CNTN5: variants seen among roughly 807,000 people sequenced by gnomAD.
CNTN5 encodes contactin 5.
In CNTN5, 77 loss-of-function variants were observed where a neutral mutation model predicts 129.1. That is an observed-to-expected ratio of 0.60 (90% CI 0.50 to 0.72). The LOEUF (loss-of-function observed/expected upper bound fraction) is 0.72. Among genes scored for constraint, CNTN5 ranks in the 30% least tolerant of loss-of-function variants. The pLI is 0.00. For missense variants in CNTN5, 1,478 were observed against 1,328.8 expected, an observed-to-expected ratio of 1.11 and a Z score of -1.75; for synonymous variants, 509 against 465.6, an observed-to-expected ratio of 1.09 and a Z score of -1.20.
intron 1 of CNTN5, among the ~76,000 whole-genome samples, chr11:99,082,744 T>C (rs1389519870): frequency 6.6e-6 from 1 of 152,214 alleles, no homozygotes; most frequent in African/African-American, 2.4e-5. Flanking sequence ...GTGAAAATTA[T>C]CTAAATTATT....
At chr11:100,026,151 C>G (rs969311560) in intron 9 of CNTN5, among the ~76,000 whole-genome samples, 1 of 152,046 alleles carries the variant, frequency 6.6e-6, no homozygotes, top group African/African-American at 2.4e-5. Flanking sequence ...GGACCATTTC[C>G]TTCATGCCGT....
chr11:99,856,652 C>T (rs10736572), intron 6 of CNTN5, among the ~76,000 whole-genome samples: 152,288 of 152,288 alleles, frequency 1, 76,144 homozygotes, highest in Non-Finnish European at 1. Flanking sequence ...TCACATAGTG[C>T]TCTTTGGGTC....
At chr11:100,077,938 T>G (rs767967090) in intron 13 of CNTN5, among the ~76,000 whole-genome samples, 5 of 152,162 alleles carry the variant, frequency 3.3e-5, no homozygotes, top group Non-Finnish European at 4.4e-5. Flanking sequence ...GGCATAAAAA[T>G]GTAATATATA....
chr11:99,628,186 T>C (rs903305186), intron 3 of CNTN5, among the ~76,000 whole-genome samples: 1 of 151,962 alleles, frequency 6.6e-6, no homozygotes, highest in Non-Finnish European at 1.5e-5. Context: ...CTATAATTTA[T>C]CATCATTATC....
intron 21 of CNTN5, chr11:100,337,429 C>A (rs1952058830): frequency 1.3e-6 from 1 of 756,372 alleles, no homozygotes; most frequent in East Asian, 2.5e-5. Flanking sequence ...AGCAGCCTCC[C>A]TGTGGCCCAA....
chr11:99,340,925 AC>A (rs1208105839), intron 2 of CNTN5, among the ~76,000 whole-genome samples: 1 of 152,092 alleles, frequency 6.6e-6, no homozygotes, highest in Non-Finnish European at 1.5e-5. Flanking sequence ...TTTTGGGTAA[AC>A]TTTTCTGCTT....
chr11:100,319,995 C>G lies in CNTN5; in HGVS notation c.2730+11527C>G, dbSNP rs140376398. On this transcript the variant is annotated intron_variant, in intron 21 of 24. Transcript: ENST00000524871. Reference sequence around the variant, plus strand: ...AGATATGATTCCATATGTTGGCTATCGTGAATAGTGTTGCAATGAACATGA... The same window carrying G: ...AGATATGATTCCATATGTTGGCTATGGTGAATAGTGTTGCAATGAACATGA... Among the ~76,000 whole-genome samples, 679 of 152,244 alleles carry G rather than the reference C, an allele frequency of 4.5e-3. 21 individuals carry two copies. The highest frequency in any genetic ancestry group is 3.5e-3 in the East Asian group (18 of 5,190).
rs561097144 is a variant in CNTN5 at position 99,125,383 on chromosome 11, G to T, written c.-210+104113G>T. Among the ~76,000 whole-genome samples the T allele has an allele frequency of 1.3e-4, 20 of 151,412 alleles. No homozygotes were observed. In the East Asian group the frequency reaches 1.6e-3, roughly 12 times the overall value. ...GATTATTTCAGTAGGTGCAAGAATG[G>T]CTTTTGATAAAATTTTACATCCCTG... On this transcript the variant is annotated intron_variant, in intron 1 of 24. Coordinates refer to ENST00000524871, the MANE Select transcript of CNTN5 (RefSeq NM_014361.4).
At chr11:99,317,307 G>A (rs1020820855) in intron 1 of CNTN5, among the ~76,000 whole-genome samples, 3 of 152,122 alleles carry the variant, frequency 2.0e-5, no homozygotes, top group Non-Finnish European at 4.4e-5. Flanking sequence ...CCTACACTGA[G>A]GCAGCCAAAA....
chr11:99,082,556 A>G (rs1040114758), intron 1 of CNTN5, among the ~76,000 whole-genome samples: 1 of 152,278 alleles, frequency 6.6e-6, no homozygotes, highest in Non-Finnish European at 1.5e-5. Context: ...TTTTAGTGCA[A>G]GGAATTATGG....
chr11:100,236,195 T>C (rs1252509517), intron 16 of CNTN5, among the ~76,000 whole-genome samples: 5 of 152,172 alleles, frequency 3.3e-5, no homozygotes, highest in Non-Finnish European at 7.3e-5. Flanking sequence ...CTGTTTAAGA[T>C]AAATTCCCCC....
At chr11:99,781,387 T>C (rs774372737) in intron 3 of CNTN5, among the ~76,000 whole-genome samples, 3 of 152,060 alleles carry the variant, frequency 2.0e-5, no homozygotes, top group South Asian at 2.1e-4. Context: ...TAAGGTGGAA[T>C]TGTAATATTT....
Position 99,956,881 on chromosome 11 carries a change from A to G in CNTN5, c.749A>G (p.Glu250Gly). 1 of 1,613,890 alleles carries G rather than the reference A, an allele frequency of 6.2e-7. No homozygotes were observed. The highest frequency in any genetic ancestry group is 8.5e-7 in the Non-Finnish European group (1 of 1,179,858). ...AEDSRRFISQETGNLYISKVQ... is the reference protein window; with the variant it reads ...AEDSRRFISQGTGNLYISKVQ... Reference sequence around the variant, plus strand: ...GACAGCCGGCGGTTCATCTCCCAGGAGACAGGCAACCTTTATATTTCTAAA... The same window carrying G: ...GACAGCCGGCGGTTCATCTCCCAGGGGACAGGCAACCTTTATATTTCTAAA... Residue 250 changes from glutamate (E) to glycine (G), a missense_variant, in exon 8 of 25, where the codon GAG becomes GGG. Coordinates refer to ENST00000524871, the MANE Select transcript of CNTN5 (RefSeq NM_014361.4).
intron 13 of CNTN5, among the ~76,000 whole-genome samples, chr11:100,181,154 G>GA (rs1410821440): frequency 6.6e-6 from 1 of 151,956 alleles, no homozygotes; most frequent in Non-Finnish European, 1.5e-5. Flanking sequence ...AACCTGCCCA[G>GA]ATGTTGTTCA....
chr11:99,084,954 G>C (rs953866179), intron 1 of CNTN5, among the ~76,000 whole-genome samples: 1 of 152,114 alleles, frequency 6.6e-6, no homozygotes, highest in Non-Finnish European at 1.5e-5. Flanking sequence ...TAATCAAATA[G>C]GATTATAATT....
chr11:100,009,329 C>T (rs928681033), intron 9 of CNTN5, among the ~76,000 whole-genome samples: 34 of 151,924 alleles, frequency 2.2e-4, no homozygotes, highest in Admixed American at 2.0e-3. Context: ...TTAAAGTGAC[C>T]GTGACATGCT....
At chr11:100,104,607 G>T (rs1292814306) in intron 13 of CNTN5, among the ~76,000 whole-genome samples, 12 of 152,140 alleles carry the variant, frequency 7.9e-5, no homozygotes, top group Non-Finnish European at 1.2e-4. Context: ...CTTAGGTGAA[G>T]GTAACAGTTA....
At chr11:99,155,013 AGC>A (rs1860262921) in intron 1 of CNTN5, among the ~76,000 whole-genome samples, 1 of 152,114 alleles carries the variant, frequency 6.6e-6, no homozygotes, top group Non-Finnish European at 1.5e-5. Context: ...CTATCTAAGC[AGC>A]TCCCTCTGCC....
chr11:99,240,087 G>A (rs1482853748), intron 1 of CNTN5, among the ~76,000 whole-genome samples: 7 of 152,068 alleles, frequency 4.6e-5, no homozygotes, highest in Non-Finnish European at 7.4e-5. Flanking sequence ...ACAAATTAAA[G>A]TTGACATTTA....
Sources: allele counts gnomAD v4.1 joint callset (sites outside exome capture counted in the v4.1 genomes callset), GRCh38; gene constraint gnomAD v4.1.1; transcripts MANE v1.5; gene names NCBI Gene and HGNC (gene_info 2026-07-23, HGNC 2026-07-21).